Variants in AIFM1 observed in about 807,000 individuals in gnomAD.
AIFM1 encodes apoptosis-inducing factor 1, mitochondrial.
Under a neutral mutation model 51.7 loss-of-function variants are expected in AIFM1, and 3 were observed. That is an observed-to-expected ratio of 0.06 (90% confidence interval 0.03 to 0.15). The LOEUF (loss-of-function observed/expected upper bound fraction) is 0.15. Ranked by LOEUF, AIFM1 falls within the 10% of genes least tolerant of loss-of-function variation. AIFM1 has a pLI of 1.00. For missense variants in AIFM1, 330 were observed against 476.8 expected (o/e 0.69, Z 2.87); for synonymous variants, 178 against 179.4 (o/e 0.99, Z 0.06).
intron 1 of AIFM1, among the ~76,000 whole-genome samples, chrX:130,164,839 C>A (rs1024156059): frequency 9.0e-6 from 1 of 111,654 alleles, no homozygotes; most frequent in African/African-American, 3.3e-5. Context: ...CCTCTCTGTG[C>A]CTCAGTTTAT....
intron 7 of AIFM1, 57 bp from the exon 8 acceptor site, chrX:130,139,928 A>G (rs1243054733): frequency 1.0e-6 from 1 of 986,167 alleles, no homozygotes; most frequent in East Asian, 3.0e-5. Context: ...AGCCCAAACA[A>G]TACTCCCTCC....
intron 3 of AIFM1, among the ~76,000 whole-genome samples, chrX:130,148,151 T>C (rs1446326439): frequency 8.9e-6 from 1 of 112,226 alleles, no homozygotes; most frequent in African/African-American, 3.2e-5. Flanking sequence ...GCTTAAATAT[T>C]TAGTTACTTC....
At position 130,165,737 on chromosome X, in the gene AIFM1, C is replaced by T. The variant is rs2031512081; in HGVS notation, c.-81G>A. ...CGGGTCAAACACCGTGAGCCCCGGC[C>T]AGCTCCCCCAGTCTCTTCACACGCA... On this transcript the variant is annotated 5_prime_UTR_variant, in exon 1 of 16. Transcript: ENST00000287295. 5 of 805,346 alleles carry T rather than the reference C, an allele frequency of 6.2e-6. No individual in the cohort carries two copies. Among genetic ancestry groups the T allele is most frequent in the Non-Finnish European group, 9.2e-6 (5 of 542,158 alleles). 66.4% of individuals were successfully genotyped at this position (805,346 alleles called of 1,213,427 possible). A position where few individuals can be genotyped will look rare whatever the true frequency, so the allele number is the denominator to read the frequency against.
chrX:130,150,492 T>C (rs1005976672), intron 2 of AIFM1, among the ~76,000 whole-genome samples: 5 of 102,639 alleles, frequency 4.9e-5, no homozygotes, highest in Non-Finnish European at 8.0e-5. Context: ...CCCGCCACTA[T>C]GCCCGGCTAA....
At chrX:130,142,920 C>T (rs1299219855) in intron 6 of AIFM1, among the ~76,000 whole-genome samples, 1 of 111,927 alleles carries the variant, frequency 8.9e-6, no homozygotes, top group East Asian at 2.8e-4. Context: ...GTATCTGAAC[C>T]GCCAAATCTC....
chrX:130,148,922 C>T (rs1305369364), intron 3 of AIFM1, among the ~76,000 whole-genome samples: 23 of 68,356 alleles, frequency 3.4e-4, no homozygotes, highest in African/African-American at 1.2e-3. Flanking sequence ...TTTTAAGAGA[C>T]TTTTTTTTTT....
chrX:130,140,653 G>A (rs746550722), intron 6 of AIFM1, 36 bp from the exon 7 acceptor site: 39 of 1,057,410 alleles, frequency 3.7e-5, no homozygotes, highest in Non-Finnish European at 5.0e-5. Context: ...AAGAGGTAGA[G>A]ATGAATTAGC....
chrX:130,136,728 C>T lies in AIFM1; in HGVS notation c.1079G>A (p.Gly360Glu). ...AATAGCATTGGGCATCACCTTAACC[C>T]CCTCTGTAAAGGCAAACAAGACCTG... is the stretch of plus-strand genomic sequence containing the variant. ...NWTMEKVRRE[G>E]VKVMPNAIVQ... The change falls in exon 11 of 16, where the codon GGG (glycine) becomes GAG (glutamate). Residue 360 changes from glycine (G) to glutamate (E), a missense_variant. Gly to Glu is a moderately conservative substitution (Grantham distance 98). This residue lies in a region of AIFM1 where 152 missense variants were observed against 292.8 expected (regional missense o/e 0.52). Coordinates refer to ENST00000287295, the MANE Select transcript of AIFM1 (RefSeq NM_004208.4). The T allele has an allele frequency of 1.7e-6, 2 of 1,209,456 alleles. No homozygotes were observed. Among genetic ancestry groups the T allele is most frequent in the Non-Finnish European group, 2.2e-6 (2 of 893,864 alleles).
At chrX:130,133,603 AAC>A in intron 12 of AIFM1, 148 bp from the exon 13 acceptor site, 2 of 759,288 alleles carry the variant, frequency 2.6e-6, no homozygotes, top group Non-Finnish European at 3.8e-6. Flanking sequence ...TACTTAAACT[AAC>A]AAAAACAGCT....
chrX:130,164,443 CT>C (rs757265259), intron 1 of AIFM1, among the ~76,000 whole-genome samples: 5 of 112,592 alleles, frequency 4.4e-5, no homozygotes, highest in African/African-American at 1.6e-4. Flanking sequence ...ATATTTTCCA[CT>C]TTTTATTTTT....
chrX:130,163,085 T>C (rs1168829283), intron 1 of AIFM1, among the ~76,000 whole-genome samples: 1 of 109,954 alleles, frequency 9.1e-6, no homozygotes, highest in Non-Finnish European at 1.9e-5. Flanking sequence ...CTGAAGCAGG[T>C]GGATCACAAG....
At chrX:130,164,361 T>G (rs1416001494) in intron 1 of AIFM1, among the ~76,000 whole-genome samples, 1 of 112,283 alleles carries the variant, frequency 8.9e-6, no homozygotes, top group Non-Finnish European at 1.9e-5. Context: ...TCAGGAAACA[T>G]TTTCATTGTG....
At chrX:130,150,977 C>CA (rs759870161) in intron 2 of AIFM1, among the ~76,000 whole-genome samples, 481 of 27,691 alleles carry the variant, frequency 0.017, 25 homozygotes, top group African/African-American at 0.073. Context: ...GACTCTGTCT[C>CA]AAAAAAAAAA....
At chrX:130,135,682 C>T (rs1382082427) in intron 12 of AIFM1, among the ~76,000 whole-genome samples, 1 of 111,569 alleles carries the variant, frequency 9.0e-6, no homozygotes, top group Non-Finnish European at 1.9e-5. Context: ...CAGGTTATAA[C>T]ATTGCTTCAT....
At chrX:130,133,249 T>C in intron 13 of AIFM1, 64 bp downstream of exon 13, 2 of 1,176,130 alleles carry the variant, frequency 1.7e-6, no homozygotes, top group Non-Finnish European at 2.3e-6. Flanking sequence ...ACCATAACTC[T>C]GTGTTATGGT....
intron 2 of AIFM1, among the ~76,000 whole-genome samples, chrX:130,152,883 A>T (rs1230727541): frequency 8.9e-6 from 1 of 112,291 alleles, no homozygotes; most frequent in African/African-American, 3.2e-5. Context: ...CATTAGACGC[A>T]AACACAAATA....
chrX:130,152,346 G>C (rs1053849374), intron 2 of AIFM1, among the ~76,000 whole-genome samples: 5 of 111,003 alleles, frequency 4.5e-5, no homozygotes, highest in Middle Eastern at 4.6e-3. Flanking sequence ...AGGTCGATCT[G>C]TCTGATATAT....
intron 1 of AIFM1, among the ~76,000 whole-genome samples, chrX:130,159,553 A>G (rs1344514065): frequency 8.9e-6 from 1 of 111,765 alleles, no homozygotes; most frequent in East Asian, 2.8e-4. Context: ...TAGTTCAATG[A>G]ATTTAGTTTG....
chrX:130,142,206 G>A (rs2030601597), intron 6 of AIFM1, among the ~76,000 whole-genome samples: 1 of 111,876 alleles, frequency 8.9e-6, no homozygotes. Context: ...AACAGTGCAG[G>A]TAGCGCTGGG....
Sources: gnomAD v4.1 joint callset for allele counts (sites outside exome capture counted in the v4.1 genomes callset) on GRCh38, gnomAD v4.1.1 for gene constraint, gnomAD v4.1.1 regional missense constraint, MANE v1.5 for transcripts, NCBI Gene and HGNC (gene_info 2026-07-23, HGNC 2026-07-21) for gene names.